KCTD1: variants seen among roughly 807,000 people sequenced by gnomAD.
KCTD1 encodes the protein potassium channel tetramerization domain containing 1.
KCTD1 carries 24 observed loss-of-function variants against 66.0 expected under a neutral mutation model. The ratio of observed to expected loss-of-function variants is 0.36; its 90% CI spans 0.26 to 0.51. The LOEUF is 0.51. Among genes scored for constraint, KCTD1 ranks in the 20% least tolerant of loss-of-function variants. KCTD1 has a pLI of 0.95. For missense variants in KCTD1, 943 were observed against 1,205.2 expected (o/e 0.78, Z 3.22); for synonymous variants, 511 against 517.2 (o/e 0.99, Z 0.16).
intron 1 of KCTD1, chr18:26,545,457 C>T (rs1323661383): frequency 3.3e-5 from 5 of 152,180 alleles, no homozygotes; most frequent in Non-Finnish European, 7.3e-5. Flanking sequence ...CAGCCCCTTT[C>T]TCAGTTGGCC....
chr18:26,456,754 T>C (rs1220789142), intron 4 of KCTD1: 1 of 151,904 alleles, frequency 6.6e-6, no homozygotes, highest in Non-Finnish European at 1.5e-5. Context: ...CAGGAAACAG[T>C]ACCTGTGACT....
intron 1 of KCTD1, among the ~76,000 whole-genome samples, chr18:26,531,950 A>C (rs954812719): frequency 6.6e-6 from 1 of 152,202 alleles, no homozygotes; most frequent in African/African-American, 2.4e-5. Context: ...GTAATACCTT[A>C]GCTGCTTTCT....
intron 1 of KCTD1, among the ~76,000 whole-genome samples, chr18:26,647,112 C>T (rs1389556291): frequency 6.6e-6 from 1 of 152,112 alleles, no homozygotes; most frequent in African/African-American, 2.4e-5. Flanking sequence ...TATAGAAAAC[C>T]ACCTGCACTT....
rs7227816 is a variant in KCTD1 at position 26,585,693 on chromosome 18, T to C, written c.-16+43454A>G. Among the ~76,000 whole-genome samples the C allele has an allele frequency of 4.8e-3, 726 of 152,358 alleles. 9 individuals are homozygous for C. Among genetic ancestry groups the C allele is most frequent in the African/African-American group, 0.017 (708 of 41,574 alleles). On this transcript the variant is annotated intron_variant, in intron 1 of 4. Coordinates refer to the KCTD1 transcript ENST00000317932. ...AATTATTATTCAAAGTATCGTATTT[T>C]ATTGAATTACTCTGTGTGACACATC...
At chr18:26,560,949 A>C (rs934986665) in intron 1 of KCTD1, among the ~76,000 whole-genome samples, 3 of 152,238 alleles carry the variant, frequency 2.0e-5, no homozygotes, top group Admixed American at 6.5e-5. Flanking sequence ...ATATATGTAC[A>C]AGGGTGCTCT....
chr18:26,593,640 A>G (rs924144742), intron 1 of KCTD1, among the ~76,000 whole-genome samples: 1,015 of 65,456 alleles, frequency 0.016, 7 homozygotes, highest in East Asian at 0.036. Context: ...ATGAGGAGGA[A>G]GAGAAGGAAG....
At chr18:26,470,280 G>GA (rs5823511) in intron 3 of KCTD1, among the ~76,000 whole-genome samples, 150,328 of 151,556 alleles carry the variant, frequency 0.99, 74,560 homozygotes, top group Middle Eastern at 1. Context: ...AATAAGCGAA[G>GA]AAAAAAAAAT....
intron 1 of KCTD1, among the ~76,000 whole-genome samples, chr18:26,512,417 T>G (rs1357290116): frequency 6.6e-6 from 1 of 151,944 alleles, no homozygotes; most frequent in Non-Finnish European, 1.5e-5. Context: ...CTGAGATTCT[T>G]AAGTGCCCAT....
At chr18:26,459,489 C>T in intron 4 of KCTD1, 131 bp downstream of exon 4, 1 of 824,844 alleles carries the variant, frequency 1.2e-6, no homozygotes, top group Non-Finnish European at 1.9e-6. Flanking sequence ...GGTGATAATT[C>T]ACCTACCCAA....
intron 1 of KCTD1, among the ~76,000 whole-genome samples, chr18:26,532,208 AT>A (rs1984467019): frequency 6.6e-6 from 1 of 150,956 alleles, no homozygotes; most frequent in Non-Finnish European, 1.5e-5. Context: ...TTCTGAGTCT[AT>A]GAGTCAGGAT....
chr18:26,541,914 A>G (rs1984992027), intron 1 of KCTD1, among the ~76,000 whole-genome samples: 1 of 152,240 alleles, frequency 6.6e-6, no homozygotes, highest in African/African-American at 2.4e-5. Context: ...GCAAAGGAAC[A>G]GTTTTCATAA....
intron 2 of KCTD1, among the ~76,000 whole-genome samples, chr18:26,497,447 T>A (rs1264340897): frequency 1.3e-5 from 2 of 152,144 alleles, no homozygotes. Flanking sequence ...GGCAACCTAA[T>A]GTCCTTGGAT....
chr18:26,520,276 T>C (rs1051045917), intron 1 of KCTD1, among the ~76,000 whole-genome samples: 1 of 152,162 alleles, frequency 6.6e-6, no homozygotes, highest in Non-Finnish European at 1.5e-5. Flanking sequence ...CACACACACA[T>C]GTGCTGGCTA....
rs191479235 is a variant in KCTD1 at position 26,623,089 on chromosome 18, G to A, written c.-16+6058C>T. On this transcript the variant is annotated intron_variant, in intron 1 of 4. Transcript: ENST00000317932. ...TGTCTGGTCTCGGCCTTCACCTCAC[G>A]TGCAGACAATCTCTTCATTGCCTCT... 9.9e-5 allele frequency among the ~76,000 whole-genome samples: 15 copies of A among 152,068 alleles called. No homozygotes were observed. In the East Asian group the frequency reaches 2.5e-3, roughly 25 times the overall value.
At position 26,620,348 on chromosome 18, in the gene KCTD1, TAAAAAAAAAAAAAAAAAAA is replaced by T. The variant is rs10594272; in HGVS notation, c.-16+8780_-16+8798del. ...GTTTGCATTTGCTGAAGGTAAATCT[TAAAAAAAAAAAAAAAAAAA>T]AAAAAAAAAAAAAAAAAACTATAAC... On this transcript the variant is annotated intron_variant, in intron 1 of 4. Transcript: ENST00000317932. Among the ~76,000 whole-genome samples, 489 of 87,204 alleles carry T rather than the reference TAAAAAAAAAAAAAAAAAAA, an allele frequency of 5.6e-3. 11 individuals carry two copies. Among genetic ancestry groups the T allele is most frequent in the African/African-American group, 0.025 (456 of 18,140 alleles). The allele number at this position is 87,204 out of a possible 152,430, so 57.2% of individuals were successfully genotyped here. A position where few individuals can be genotyped will look rare whatever the true frequency, so the allele number is the denominator to read the frequency against.
chr18:26,572,082 C>A (rs562729728), intron 1 of KCTD1, among the ~76,000 whole-genome samples: 1 of 146,314 alleles, frequency 6.8e-6, no homozygotes, highest in Non-Finnish European at 1.5e-5. Flanking sequence ...TTTTTTGAGA[C>A]GTAGTCTCGC....
chr18:26,644,251 A>G (rs997228432), upstream of KCTD1, among the ~76,000 whole-genome samples: 1 of 152,176 alleles, frequency 6.6e-6, no homozygotes, highest in Admixed American at 6.5e-5. Context: ...ATTATGTGAC[A>G]ATCCACCAGT....
intron 2 of KCTD1, among the ~76,000 whole-genome samples, chr18:26,481,204 G>A (rs1319619879): frequency 6.6e-6 from 1 of 152,136 alleles, no homozygotes; most frequent in African/African-American, 2.4e-5. Flanking sequence ...TAAGTCGTCG[G>A]GGCTGGGAGT....
upstream of KCTD1, among the ~76,000 whole-genome samples, chr18:26,643,338 G>T (rs898075110): frequency 6.6e-6 from 1 of 152,196 alleles, no homozygotes; most frequent in African/African-American, 2.4e-5. Flanking sequence ...TCTAAATACA[G>T]CCACCATGGG....
Sources: allele counts gnomAD v4.1 joint callset (sites outside exome capture counted in the v4.1 genomes callset), GRCh38; gene constraint gnomAD v4.1.1; transcripts MANE v1.5; gene names NCBI Gene and HGNC (gene_info 2026-07-23, HGNC 2026-07-21).